EXOC4: variants seen among roughly 807,000 people sequenced by gnomAD.
EXOC4 encodes SEC8-like 1.
In EXOC4, 71 loss-of-function variants were observed where a neutral mutation model predicts 107.2. The ratio of observed to expected loss-of-function variants is 0.66; its 90% CI spans 0.55 to 0.81. EXOC4 has a LOEUF of 0.81. EXOC4 is among the 30% of genes least tolerant of loss of function. The pLI is 0.00. For synonymous variants in EXOC4, 456 were observed against 441.2 expected, an observed-to-expected ratio of 1.03 and a Z score of -0.42; for missense variants, 1,108 against 1,189.6, an observed-to-expected ratio of 0.93 and a Z score of 1.01.
intron 5 of EXOC4, among the ~76,000 whole-genome samples, chr7:133,332,510 G>C (rs1795417812): frequency 6.6e-6 from 1 of 152,210 alleles, no homozygotes; most frequent in Non-Finnish European, 1.5e-5. Context: ...AGCTACTCAG[G>C]AGGCTGAGGC....
intron 17 of EXOC4, among the ~76,000 whole-genome samples, chr7:134,042,255 G>A (rs1795537981): frequency 6.6e-6 from 1 of 152,136 alleles, no homozygotes; most frequent in South Asian, 2.1e-4. Flanking sequence ...CTCTGCTATA[G>A]AGTATAAAGC....
chr7:134,085,226 T>C, the EXOC4 span, among the ~76,000 whole-genome samples: 69 of 152,230 alleles, frequency 4.5e-4, no homozygotes, highest in Non-Finnish European at 8.8e-5. Context: ...TAACTGGTAA[T>C]TGCAGCTCTA....
At chr7:133,372,135 T>A (rs1290394932) in intron 6 of EXOC4, among the ~76,000 whole-genome samples, 1 of 152,240 alleles carries the variant, frequency 6.6e-6, no homozygotes, top group Non-Finnish European at 1.5e-5. Context: ...GATTAATGAT[T>A]TACAAATATT....
chr7:133,654,477 AGGT>A (rs912223742), intron 10 of EXOC4, among the ~76,000 whole-genome samples: 8 of 152,306 alleles, frequency 5.3e-5, no homozygotes, highest in African/African-American at 1.4e-4. Context: ...ATATTGGTAC[AGGT>A]GGTGGTTGTA....
intron 7 of EXOC4, among the ~76,000 whole-genome samples, chr7:133,451,489 ATATTT>A (rs1477037829): frequency 1.1e-5 from 1 of 94,158 alleles, no homozygotes. Flanking sequence ...TAATTTACTA[ATATTT>A]TATTTGTTAA....
chr7:133,866,908 A>AGAAATGCGCATGCCCTCTCTCCT (rs1330379826), intron 11 of EXOC4, among the ~76,000 whole-genome samples: 2 of 152,232 alleles, frequency 1.3e-5, no homozygotes, highest in African/African-American at 2.4e-5. Flanking sequence ...TCCTGAAGAG[A>AGAAATGCGCATGCCCTCTCTCCT]GAAATGCGCA....
chr7:133,449,664 C>T (rs1370021229), intron 7 of EXOC4, among the ~76,000 whole-genome samples: 2 of 150,982 alleles, frequency 1.3e-5, no homozygotes, highest in East Asian at 1.9e-4. Context: ...CTGGAAAATG[C>T]GGTAAACTCT....
At position 133,317,354 on chromosome 7, in the gene EXOC4, G is replaced by A. The variant is rs372024692; in HGVS notation, c.727G>A (p.Asp243Asn). The A allele has an allele frequency of 1.9e-6, 3 of 1,612,618 alleles. No homozygotes were observed. Among genetic ancestry groups the A allele is most frequent in the Non-Finnish European group, 2.5e-6 (3 of 1,178,720 alleles). ...CCTCCCTACTCCTCGAAAATTCCTTGATACCTCTCACTATTCTACTGCTGG... is the reference window on the plus strand; with the variant it reads ...CCTCCCTACTCCTCGAAAATTCCTTAATACCTCTCACTATTCTACTGCTGG... ...TNLPTPRKFL[D>N]TSHYSTAGSS... The change falls in exon 5 of 18, where the codon GAT becomes AAT. Residue 243 changes from aspartate to asparagine, a missense_variant. By Grantham distance (23) the Asp-to-Asn change is conservative. Coordinates refer to ENST00000253861, the MANE Select transcript of EXOC4 (RefSeq NM_021807.4).
At chr7:133,814,469 T>C (rs2151212288) in intron 10 of EXOC4, among the ~76,000 whole-genome samples, 1 of 152,318 alleles carries the variant, frequency 6.6e-6, no homozygotes, top group South Asian at 2.1e-4. Flanking sequence ...AAAACAATGC[T>C]GTAATGATCT....
chr7:133,914,975 T>C lies in EXOC4; in HGVS notation c.1872-2608T>C, dbSNP rs949194065. Among the ~76,000 whole-genome samples the C allele has an allele frequency of 9.9e-5, 15 of 152,276 alleles. No homozygotes were observed. The South Asian group carries it at 2.5e-3, about 25-fold the overall frequency. On this transcript the variant is annotated intron_variant, in intron 12 of 17. Coordinates refer to ENST00000253861, the MANE Select transcript of EXOC4 (RefSeq NM_021807.4). ...GAGATAAAGAAAAGAACAGATTCCA[T>C]GATACAAGAGCAGGACAGTTTGGAA...
chr7:133,277,830 T>C (rs1311662581), intron 2 of EXOC4, among the ~76,000 whole-genome samples: 1 of 152,228 alleles, frequency 6.6e-6, no homozygotes, highest in Non-Finnish European at 1.5e-5. Context: ...CCATTTCTTG[T>C]CACCAAGGAA....
chr7:133,561,098 C>T (rs1800796071), intron 9 of EXOC4, among the ~76,000 whole-genome samples: 2 of 152,106 alleles, frequency 1.3e-5, no homozygotes, highest in South Asian at 2.1e-4. Context: ...AGATGTTTGA[C>T]GTCAGTTTGT....
chr7:133,644,595 T>G (rs114450099), intron 10 of EXOC4, among the ~76,000 whole-genome samples: 496 of 152,294 alleles, frequency 3.3e-3, no homozygotes, highest in African/African-American at 0.012. Flanking sequence ...TTATTTCTGT[T>G]TTATAGTTGA....
chr7:133,474,980 A>ATGC, intron 7 of EXOC4, among the ~76,000 whole-genome samples: 1 of 152,280 alleles, frequency 6.6e-6, no homozygotes, highest in South Asian at 2.1e-4. Context: ...ATTGCTGCTA[A>ATGC]TGCTGCTGTA....
intron 17 of EXOC4, among the ~76,000 whole-genome samples, chr7:134,056,807 AC>A (rs1795935903): frequency 6.6e-6 from 1 of 152,228 alleles, no homozygotes; most frequent in Non-Finnish European, 1.5e-5. Flanking sequence ...AGCTAAGGGA[AC>A]AAAAAGAAAT....
intron 14 of EXOC4, among the ~76,000 whole-genome samples, chr7:133,957,285 T>C (rs1800840046): frequency 6.6e-6 from 1 of 152,226 alleles, no homozygotes; most frequent in Admixed American, 6.5e-5. Flanking sequence ...GACTGTTAAA[T>C]GTCTAAGTGA....
chr7:133,860,315 C>A (rs1006455694), intron 11 of EXOC4, among the ~76,000 whole-genome samples: 1 of 152,184 alleles, frequency 6.6e-6, no homozygotes, highest in Non-Finnish European at 1.5e-5. Flanking sequence ...TCCCTTTCTC[C>A]GCCTCGTTTT....
chr7:133,699,260 G>A (rs1047443944), intron 10 of EXOC4, among the ~76,000 whole-genome samples: 1 of 152,050 alleles, frequency 6.6e-6, no homozygotes, highest in Non-Finnish European at 1.5e-5. Context: ...AGCCTTCTCC[G>A]CCTGACACTT....
chr7:133,877,106 T>C (rs375224270), intron 11 of EXOC4, among the ~76,000 whole-genome samples: 1 of 152,108 alleles, frequency 6.6e-6, no homozygotes, highest in African/African-American at 2.4e-5. Flanking sequence ...AATCATTTTT[T>C]CTGTCTGTGT....
Sources: gnomAD v4.1 joint callset for allele counts (sites outside exome capture counted in the v4.1 genomes callset) on GRCh38, gnomAD v4.1.1 for gene constraint, MANE v1.5 for transcripts, NCBI Gene and HGNC (gene_info 2026-07-23, HGNC 2026-07-21) for gene names.